Variants in SAMD3 observed in about 807,000 individuals in gnomAD.
SAMD3 encodes the protein sterile alpha motif domain containing 3, also known as sterile alpha motif domain-containing protein 3.
SAMD3 carries 63 observed loss-of-function variants against 58.5 expected under a neutral mutation model. The observed-to-expected ratio is 1.08, with a 90% CI of 0.88 to 1.33. The LOEUF (loss-of-function observed/expected upper bound fraction) is 1.33. SAMD3 is among the 40% of genes most tolerant of loss of function. The probability of loss-of-function intolerance (pLI) is 0.00; values close to 1 mark genes in which losing one functional copy is unlikely to be tolerated. For synonymous variants in SAMD3, 220 were observed against 210.3 expected (o/e 1.05, Z -0.40); for missense variants, 604 against 608.4 (o/e 0.99, Z 0.08).
chr6:130,160,724 A>C (rs2114611851), intron 8 of SAMD3: 1 of 152,324 alleles, frequency 6.6e-6, no homozygotes, highest in South Asian at 2.1e-4. Flanking sequence ...TTTCTTTTAA[A>C]TTATCTAGAT....
chr6:130,294,811 C>G (rs1041390140), intron 2 of SAMD3, among the ~76,000 whole-genome samples: 1 of 150,466 alleles, frequency 6.6e-6, no homozygotes, highest in Admixed American at 6.6e-5. Context: ...TCTTGCATAC[C>G]TTGATTATTT....
At chr6:130,344,711 A>G (rs188921486) in intron 1 of SAMD3, among the ~76,000 whole-genome samples, 28 of 151,810 alleles carry the variant, frequency 1.8e-4, no homozygotes, top group African/African-American at 5.6e-4. Flanking sequence ...GTAACAGGGA[A>G]TCCTTTGCTG....
intron 5 of SAMD3, among the ~76,000 whole-genome samples, chr6:130,188,027 A>C (rs1162586100): frequency 6.6e-6 from 1 of 152,256 alleles, no homozygotes; most frequent in East Asian, 1.9e-4. Context: ...AAAACTTATA[A>C]TAAAGTTAAG....
intron 2 of SAMD3, among the ~76,000 whole-genome samples, chr6:130,267,804 T>C (rs11154554): frequency 0.31 from 47,256 of 152,134 alleles, 7,714 homozygotes; most frequent in East Asian, 0.47. Flanking sequence ...CTGTCACTTA[T>C]GCCCTGCTTG....
rs575510906 is a variant in SAMD3, at chr6:130,214,366, G to A, written c.240C>T (p.Ala80=). The A allele has an allele frequency of 2.0e-5, 32 of 1,606,914 alleles. No homozygotes were observed. Among genetic ancestry groups the A allele is most frequent in the Non-Finnish European group, 2.6e-5 (31 of 1,177,064 alleles). ...LKSPENPKKA[A]LVMQTEAARD... ...GAGCTGCTTCTGTTTGCATGACCAG[G>A]GCTGCCTTTTTGGGGTTTTCTGGGG... The change falls in exon 4 of 12, where the codon GCC becomes GCT. Residue 80 remains alanine, a synonymous_variant. Transcript: ENST00000439090.
At chr6:130,278,590 T>C (rs1774866931) in intron 2 of SAMD3, among the ~76,000 whole-genome samples, 1 of 152,194 alleles carries the variant, frequency 6.6e-6, no homozygotes, top group South Asian at 2.1e-4. Flanking sequence ...TTCAGTCTTT[T>C]AGTCCTGTCA....
At chr6:130,269,272 TG>T (rs1379776092) in intron 2 of SAMD3, among the ~76,000 whole-genome samples, 2 of 152,190 alleles carry the variant, frequency 1.3e-5, no homozygotes, top group Non-Finnish European at 2.9e-5. Context: ...GGTATATTCA[TG>T]GGCATATTTC....
intron 9 of SAMD3, among the ~76,000 whole-genome samples, chr6:130,147,075 C>T (rs1788704163): frequency 6.6e-6 from 1 of 152,148 alleles, no homozygotes; most frequent in Non-Finnish European, 1.5e-5. Context: ...CAAACTACCC[C>T]ATCCTACCAC....
intron 2 of SAMD3, among the ~76,000 whole-genome samples, chr6:130,236,708 T>A (rs1773163547): frequency 1.3e-5 from 2 of 152,186 alleles, no homozygotes; most frequent in South Asian, 4.1e-4. Flanking sequence ...ATTACCCAAG[T>A]TATCATGACC....
chr6:130,295,054 G>C (rs1458001074), intron 2 of SAMD3, among the ~76,000 whole-genome samples: 1 of 151,062 alleles, frequency 6.6e-6, no homozygotes, highest in African/African-American at 2.4e-5. Flanking sequence ...CTCCCAAGTA[G>C]CTGGGATTAC....
At chr6:130,252,863 A>G (rs1773786415) in intron 2 of SAMD3, among the ~76,000 whole-genome samples, 1 of 152,140 alleles carries the variant, frequency 6.6e-6, no homozygotes, top group Admixed American at 6.6e-5. Flanking sequence ...CTCAGTCTAT[A>G]TTGGGTATCT....
chr6:130,308,787 GCTACTTGGGAATGAGAGTTATAAAT>G (rs1438510170), intron 2 of SAMD3, among the ~76,000 whole-genome samples: 1 of 152,072 alleles, frequency 6.6e-6, no homozygotes, highest in African/African-American at 2.4e-5. Context: ...AATGGCCCAA[GCTACTTGGGAATGAGAGTTATAAAT>G]CTACCTTTCA....
intron 1 of SAMD3, among the ~76,000 whole-genome samples, chr6:130,360,541 C>G (rs1030449265): frequency 3.3e-5 from 5 of 152,174 alleles, no homozygotes; most frequent in Non-Finnish European, 7.4e-5. Flanking sequence ...TCATGTACTT[C>G]ACAAGGTAAT....
chr6:130,321,601 C>T (rs1776586053), intron 1 of SAMD3, among the ~76,000 whole-genome samples: 1 of 152,180 alleles, frequency 6.6e-6, no homozygotes, highest in African/African-American at 2.4e-5. Flanking sequence ...TCCCAGTACT[C>T]ATTGTCCTCT....
At chr6:130,360,822 A>G (rs925946791) in intron 1 of SAMD3, among the ~76,000 whole-genome samples, 1 of 152,212 alleles carries the variant, frequency 6.6e-6, no homozygotes, top group African/African-American at 2.4e-5. Context: ...GCCATTTTAG[A>G]GACCCACCCT....
intron 2 of SAMD3, among the ~76,000 whole-genome samples, chr6:130,308,254 A>T (rs977277878): frequency 1.3e-5 from 2 of 152,122 alleles, no homozygotes; most frequent in African/African-American, 4.8e-5. Flanking sequence ...CCAGGAAGTT[A>T]TAATAATCTT....
At chr6:130,332,822 A>C (rs984774625) in intron 1 of SAMD3, among the ~76,000 whole-genome samples, 1 of 152,092 alleles carries the variant, frequency 6.6e-6, no homozygotes, top group Non-Finnish European at 1.5e-5. Flanking sequence ...TGAAGGAGAG[A>C]TACTATAGCA....
chr6:130,279,167 G>A (rs1283443274), intron 2 of SAMD3, among the ~76,000 whole-genome samples: 2 of 152,074 alleles, frequency 1.3e-5, no homozygotes, highest in Admixed American at 1.3e-4. Flanking sequence ...TGGATATAAA[G>A]TTCCTGTTCC....
chr6:130,326,145 G>T (rs1776751307), intron 1 of SAMD3, among the ~76,000 whole-genome samples: 1 of 152,154 alleles, frequency 6.6e-6, no homozygotes, highest in African/African-American at 2.4e-5. Context: ...TAAGCATTAA[G>T]CATCTCTTAT....
Sources: allele counts gnomAD v4.1 joint callset (sites outside exome capture counted in the v4.1 genomes callset), GRCh38; gene constraint gnomAD v4.1.1; transcripts MANE v1.5; gene names NCBI Gene and HGNC (gene_info 2026-07-23, HGNC 2026-07-21).